Variants in KAZN observed in about 807,000 individuals in gnomAD.
KAZN encodes the protein kazrin.
KAZN carries 40 observed loss-of-function variants against 87.4 expected under a neutral mutation model. The observed-to-expected ratio is 0.46, with a 90% CI of 0.36 to 0.60. The LOEUF (loss-of-function observed/expected upper bound fraction) is 0.60, where lower values mean the gene tolerates loss of function less well. Among genes scored for constraint, KAZN ranks in the 20% least tolerant of loss-of-function variants. KAZN has a pLI of 0.00. For synonymous variants in KAZN, 466 were observed against 458.3 expected (o/e 1.02, Z -0.22); for missense variants, 898 against 1,073.9 (o/e 0.84, Z 2.29).
intron 1 of KAZN, among the ~76,000 whole-genome samples, chr1:14,849,940 T>TTA (rs1649242893): frequency 2.1e-5 from 3 of 142,952 alleles, no homozygotes; most frequent in African/African-American, 8.2e-5. Context: ...TACCCCCCCT[T>TTA]TTTTTTTTTT....
At chr1:14,829,243 T>C (rs562692428) in intron 1 of KAZN, among the ~76,000 whole-genome samples, 177 of 152,380 alleles carry the variant, frequency 1.2e-3, no homozygotes, top group African/African-American at 3.9e-3. Flanking sequence ...GATGACTTTA[T>C]GGTTCCTTGT....
intron 1 of KAZN, among the ~76,000 whole-genome samples, chr1:14,696,684 A>G (rs1254362444): frequency 5.9e-5 from 9 of 152,196 alleles, no homozygotes; most frequent in Admixed American, 2.6e-4. Flanking sequence ...ATAAAACCCA[A>G]ATGTCTGGGT....
intron 1 of KAZN, among the ~76,000 whole-genome samples, chr1:14,030,871 A>C (rs1467799152): frequency 6.6e-6 from 1 of 152,222 alleles, no homozygotes; most frequent in Admixed American, 6.5e-5. Flanking sequence ...GTGCACAGGA[A>C]AATGGAATTT....
intron 4 of KAZN, among the ~76,000 whole-genome samples, chr1:15,050,020 G>A (rs10927662): frequency 0.22 from 26,434 of 118,702 alleles, 2,973 homozygotes; most frequent in East Asian, 0.46. Flanking sequence ...CTCCATCAGA[G>A]TAGAGTAGGG....
intron 2 of KAZN, among the ~76,000 whole-genome samples, chr1:14,482,297 G>T (rs890539912): frequency 1.3e-5 from 2 of 152,198 alleles, no homozygotes; most frequent in African/African-American, 2.4e-5. Context: ...CAAAGAAAAA[G>T]TAGGTTCAGG....
chr1:14,371,347 T>C (rs1660469170), intron 2 of KAZN, among the ~76,000 whole-genome samples: 1 of 152,198 alleles, frequency 6.6e-6, no homozygotes, highest in African/African-American at 2.4e-5. Context: ...ATTAACTACA[T>C]GCTTAATCCC....
intron 1 of KAZN, among the ~76,000 whole-genome samples, chr1:14,142,065 T>C (rs1645251848): frequency 6.6e-6 from 1 of 152,172 alleles, no homozygotes; most frequent in African/African-American, 2.4e-5. Context: ...GGTTGTTCTC[T>C]TTGTTCCTGC....
At chr1:14,901,723 AT>A (rs1655936750) in intron 1 of KAZN, among the ~76,000 whole-genome samples, 1 of 152,210 alleles carries the variant, frequency 6.6e-6, no homozygotes, top group African/African-American at 2.4e-5. Context: ...CAAAACAGCC[AT>A]TGTGGGAGAA....
chr1:14,238,696 C>T (rs1305990050), intron 2 of KAZN, among the ~76,000 whole-genome samples: 1 of 152,222 alleles, frequency 6.6e-6, no homozygotes, highest in Non-Finnish European at 1.5e-5. Flanking sequence ...GGGTACTTGG[C>T]CAAGCCCAAT....
chr1:14,077,543 T>C (rs1300344444), intron 1 of KAZN, among the ~76,000 whole-genome samples: 1 of 152,172 alleles, frequency 6.6e-6, no homozygotes, highest in African/African-American at 2.4e-5. Flanking sequence ...TTGGATTGCT[T>C]TTTCAGACCT....
In KAZN at chr1:14,762,680, G is replaced by A. The variant is rs542488386; in HGVS notation, c.226+163457G>A. ...GCGGAGCTGGCAGTGAGCTGAGATC[G>A]CGCCACTGCACTCTAGCCTGGGTGA... On this transcript the variant is annotated intron_variant, in intron 1 of 14. Transcript: ENST00000376030. Among the ~76,000 whole-genome samples the A allele has an allele frequency of 5.9e-5, 9 of 151,740 alleles. No homozygotes were observed. The East Asian group carries it at 7.8e-4, about 13-fold the overall frequency.
intron 1 of KAZN, among the ~76,000 whole-genome samples, chr1:14,701,967 C>T (rs1641947317): frequency 6.6e-6 from 1 of 152,116 alleles, no homozygotes; most frequent in African/African-American, 2.4e-5. Context: ...GTCAGCATAC[C>T]CTGTGTGTGT....
intron 1 of KAZN, among the ~76,000 whole-genome samples, chr1:14,161,150 T>A (rs1246471432): frequency 6.6e-6 from 1 of 152,238 alleles, no homozygotes; most frequent in Non-Finnish European, 1.5e-5. Flanking sequence ...TGGAGCAAAA[T>A]CAAAGTGGTG....
At chr1:14,528,469 G>T (rs374283985) in intron 2 of KAZN, among the ~76,000 whole-genome samples, 2 of 151,282 alleles carry the variant, frequency 1.3e-5, no homozygotes, top group South Asian at 4.2e-4. Context: ...ACCTATCCAC[G>T]TGATGACCTT....
At chr1:14,096,216 C>G (rs1417413821) in intron 1 of KAZN, among the ~76,000 whole-genome samples, 1 of 152,088 alleles carries the variant, frequency 6.6e-6, no homozygotes, top group East Asian at 1.9e-4. Flanking sequence ...GATGAAGTTG[C>G]CTTCATCATA....
intron 2 of KAZN, among the ~76,000 whole-genome samples, chr1:14,281,132 T>C (rs1004442599): frequency 2.0e-5 from 3 of 152,200 alleles, no homozygotes; most frequent in Admixed American, 6.5e-5. Context: ...CTATGCCATG[T>C]CAAGAGGCCT....
chr1:14,731,987 C>T (rs1363942027), intron 1 of KAZN, among the ~76,000 whole-genome samples: 2 of 152,220 alleles, frequency 1.3e-5, no homozygotes, highest in Admixed American at 6.5e-5. Context: ...GCGGCTAAGC[C>T]GCCCTGGGGT....
intron 1 of KAZN, among the ~76,000 whole-genome samples, chr1:14,067,714 T>A (rs1255092730): frequency 1.3e-5 from 2 of 152,194 alleles, no homozygotes; most frequent in Non-Finnish European, 2.9e-5. Flanking sequence ...TCAAGCTTGC[T>A]AAGGAATAAA....
chr1:14,416,245 G>A (rs1664749196), intron 2 of KAZN, among the ~76,000 whole-genome samples: 1 of 152,174 alleles, frequency 6.6e-6, no homozygotes. Context: ...AACTCTAGGG[G>A]ACCATCATTT....
Sources: gnomAD v4.1 joint callset for allele counts (sites outside exome capture counted in the v4.1 genomes callset) on GRCh38, gnomAD v4.1.1 for gene constraint, MANE v1.5 for transcripts, NCBI Gene and HGNC (gene_info 2026-07-23, HGNC 2026-07-21) for gene names.